Variants in CABCOCO1 observed in about 807,000 individuals in gnomAD.
CABCOCO1 encodes ciliary associated calcium binding coiled-coil 1.
CABCOCO1 carries 28 observed loss-of-function variants against 35.7 expected under a neutral mutation model. That is an observed-to-expected ratio of 0.78 (90% CI 0.58 to 1.07). The LOEUF (loss-of-function observed/expected upper bound fraction) is 1.07, where lower values mean the gene tolerates loss of function less well. Ranked by LOEUF, CABCOCO1 falls within the 50% of genes least tolerant of loss-of-function variation. The pLI, the probability that CABCOCO1 is intolerant of heterozygous loss-of-function variation, is 0.00. For missense variants in CABCOCO1, 326 were observed against 309.2 expected (o/e 1.05, Z -0.41); for synonymous variants, 95 against 100.1 (o/e 0.95, Z 0.30).
intron 5 of CABCOCO1, among the ~76,000 whole-genome samples, chr10:61,713,396 T>C (rs1475818687): frequency 1.3e-5 from 2 of 152,224 alleles, no homozygotes; most frequent in Admixed American, 6.5e-5. Context: ...GCTAATCACC[T>C]TAGGGAGATT....
At chr10:61,669,353 G>T (rs1295961418) in intron 1 of CABCOCO1, among the ~76,000 whole-genome samples, 2 of 152,002 alleles carry the variant, frequency 1.3e-5, no homozygotes, top group East Asian at 3.8e-4. Flanking sequence ...CCACCAGGTG[G>T]TGGAGTAAAA....
intron 5 of CABCOCO1, among the ~76,000 whole-genome samples, chr10:61,729,481 T>C (rs954800775): frequency 3.3e-5 from 5 of 152,140 alleles, no homozygotes; most frequent in Non-Finnish European, 5.9e-5. Flanking sequence ...AAGGTGAAGA[T>C]GTGGAGAAAT....
At chr10:61,750,128 C>T (rs1013920796) in intron 5 of CABCOCO1, among the ~76,000 whole-genome samples, 1 of 152,130 alleles carries the variant, frequency 6.6e-6, no homozygotes, top group African/African-American at 2.4e-5. Flanking sequence ...ATCATGGCCC[C>T]TAGAGTCAGG....
chr10:61,726,826 C>T (rs10994900), intron 5 of CABCOCO1, among the ~76,000 whole-genome samples: 2 of 150,790 alleles, frequency 1.3e-5, no homozygotes, highest in South Asian at 2.1e-4. Context: ...GGGAGGCGAG[C>T]GGGGGTGGAT....
chr10:61,735,868 C>T (rs7904034), intron 5 of CABCOCO1, among the ~76,000 whole-genome samples: 81,865 of 151,998 alleles, frequency 0.54, 23,176 homozygotes, highest in Admixed American at 0.67. Context: ...GCTGAATCAC[C>T]TGAAGCGCTT....
chr10:61,669,991 A>G (rs1839308915), intron 1 of CABCOCO1, among the ~76,000 whole-genome samples: 1 of 152,162 alleles, frequency 6.6e-6, no homozygotes, highest in Non-Finnish European at 1.5e-5. Context: ...TAGTCAAACT[A>G]TCATGAGATC....
chr10:61,711,461 C>T (rs1309484778), intron 5 of CABCOCO1, among the ~76,000 whole-genome samples: 1 of 151,826 alleles, frequency 6.6e-6, no homozygotes, highest in Non-Finnish European at 1.5e-5. Flanking sequence ...TGTTTATATA[C>T]TTAACAGAGA....
chr10:61,757,555 ACT>A (rs1841923152), intron 5 of CABCOCO1, among the ~76,000 whole-genome samples: 1 of 152,046 alleles, frequency 6.6e-6, no homozygotes, highest in Non-Finnish European at 1.5e-5. Flanking sequence ...TATGGGCTAC[ACT>A]CATAAAAATC....
chr10:61,765,327 C>A (rs185873659), intron 7 of CABCOCO1, among the ~76,000 whole-genome samples: 1 of 152,266 alleles, frequency 6.6e-6, no homozygotes, highest in Non-Finnish European at 1.5e-5. Context: ...AAGATCGCTG[C>A]CAGAGGCAAA....
In CABCOCO1 at chr10:61,681,149, G is replaced by A. The variant is rs919275577; in HGVS notation, c.171G>A (p.Leu57=). 4.2e-6 allele frequency: 6 copies of A among 1,442,652 alleles called. No homozygotes were observed. Among genetic ancestry groups the A allele is most frequent in the East Asian group, 5.1e-5 (2 of 39,558 alleles). The allele number at this position is 1,442,652 out of a possible 1,614,324, so 89.4% of individuals were successfully genotyped here. The change falls in exon 3 of 8, where the codon CTG becomes CTA. Residue 57 remains leucine (L), a synonymous_variant. Coordinates refer to ENST00000648843, the MANE Select transcript of CABCOCO1 (RefSeq NM_001366906.2). The stretch of plus-strand genomic sequence containing the variant: ...TTTTTGTTTTATTTTACAGAAAACT[G>A]AGAATATTTTTGAATTTCAAAAACC... ...MEDIDGVQEK[L]RIFLNFKNLE...
At chr10:61,687,476 T>G (rs1243222861) in intron 4 of CABCOCO1, among the ~76,000 whole-genome samples, 1 of 152,166 alleles carries the variant, frequency 6.6e-6, no homozygotes, top group Non-Finnish European at 1.5e-5. Context: ...CAGAACACAT[T>G]TTTACAACTG....
intron 5 of CABCOCO1, among the ~76,000 whole-genome samples, chr10:61,737,579 A>G (rs1362129777): frequency 6.6e-6 from 1 of 152,186 alleles, no homozygotes; most frequent in Non-Finnish European, 1.5e-5. Flanking sequence ...GACAGACTGG[A>G]TAAAGGAAAT....
chr10:61,710,204 A>G (rs1192939256), intron 5 of CABCOCO1, among the ~76,000 whole-genome samples: 3 of 151,456 alleles, frequency 2.0e-5, no homozygotes, highest in Non-Finnish European at 2.9e-5. Context: ...TTCCACATAC[A>G]GTTTTGTGAC....
chr10:61,766,102 A>C lies in CABCOCO1; in HGVS notation c.*89A>C. On this transcript the variant is annotated 3_prime_UTR_variant, in exon 8 of 8. Transcript: ENST00000648843. The stretch of plus-strand genomic sequence containing the variant: ...AGACTCTCTGGAGCGTCGTGTCTCC[A>C]TCACTTAGTTGTGAAAGGAAAACCA... The C allele has an allele frequency of 1.7e-6, 2 of 1,196,040 alleles. No homozygotes were observed. The highest frequency in any genetic ancestry group is 2.4e-6 in the Non-Finnish European group (2 of 840,998). 74.1% of individuals were successfully genotyped at this position (1,196,040 alleles called of 1,614,324 possible). A position where few individuals can be genotyped will look rare whatever the true frequency, so the allele number is the denominator to read the frequency against.
intron 5 of CABCOCO1, among the ~76,000 whole-genome samples, chr10:61,744,852 A>G (rs917189039): frequency 6.6e-6 from 1 of 152,308 alleles, no homozygotes; most frequent in Non-Finnish European, 1.5e-5. Flanking sequence ...ATTCAATAAA[A>G]TTAAAATAAA....
chr10:61,705,439 G>A (rs945025954), intron 5 of CABCOCO1, among the ~76,000 whole-genome samples: 3 of 152,166 alleles, frequency 2.0e-5, no homozygotes, highest in African/African-American at 7.2e-5. Flanking sequence ...GAGACTTTCT[G>A]TCAGTCAGTA....
intron 5 of CABCOCO1, among the ~76,000 whole-genome samples, chr10:61,723,999 C>A (rs1431152236): frequency 6.6e-6 from 1 of 151,966 alleles, no homozygotes; most frequent in Non-Finnish European, 1.5e-5. Context: ...AACCAAAACA[C>A]AAAAGTCAGT....
chr10:61,668,295 A>AT (rs1437327346), intron 1 of CABCOCO1, among the ~76,000 whole-genome samples: 4 of 151,698 alleles, frequency 2.6e-5, no homozygotes, highest in African/African-American at 9.7e-5. Flanking sequence ...TTGATTTGTG[A>AT]TTTTGGTTTA....
intron 5 of CABCOCO1, among the ~76,000 whole-genome samples, chr10:61,739,744 C>A (rs1027342352): frequency 1.3e-5 from 2 of 151,984 alleles, no homozygotes; most frequent in African/African-American, 4.8e-5. Flanking sequence ...AGATCGAGAC[C>A]ATCCTTGCTA....
Sources: gnomAD v4.1 joint callset for allele counts (sites outside exome capture counted in the v4.1 genomes callset) on GRCh38, gnomAD v4.1.1 for gene constraint, MANE v1.5 for transcripts, NCBI Gene and HGNC (gene_info 2026-07-23, HGNC 2026-07-21) for gene names.